Variants in RASAL1 observed in about 807,000 individuals in gnomAD.
RASAL1 encodes the protein rasGAP-activating-like protein 1.
In RASAL1, 72 loss-of-function variants were observed where a neutral mutation model predicts 96.6. The ratio of observed to expected loss-of-function variants is 0.75; its 90% CI spans 0.62 to 0.91. The LOEUF (loss-of-function observed/expected upper bound fraction) is 0.91. Ranked by LOEUF, RASAL1 falls within the 40% of genes least tolerant of loss-of-function variation. RASAL1 has a pLI of 0.00. For missense variants in RASAL1, 1,016 were observed against 1,072.5 expected, an observed-to-expected ratio of 0.95 and a Z score of 0.74; for synonymous variants, 405 against 430.4, an observed-to-expected ratio of 0.94 and a Z score of 0.73.
At chr12:113,100,739 C>T (rs543460403) in intron 19 of RASAL1, 59 bp from the exon 20 acceptor site, 4 of 1,463,430 alleles carry the variant, frequency 2.7e-6, no homozygotes, top group African/African-American at 1.4e-5. Flanking sequence ...CTGCTTCCTA[C>T]CCCAGAAATT....
rs957946838 is a variant in RASAL1, at chr12:113,102,000, C to T, written c.2114G>A (p.Cys705Tyr). 5 of 1,613,342 alleles carry T rather than the reference C, an allele frequency of 3.1e-6. No individual in the cohort carries two copies. The African/African-American group carries it at 6.7e-5, about 22-fold the overall frequency. The change falls in exon 19 of 21, where the codon TGC becomes TAC. Residue 705 changes from cysteine to tyrosine, a missense_variant. Coordinates refer to ENST00000548055, the MANE Select transcript of RASAL1 (RefSeq NM_001301202.2). ...CLQAERSAAGCSRTHSAVTLG... is the reference protein window; with the variant it reads ...CLQAERSAAGYSRTHSAVTLG... ...GGTGACAGCTGAGTGTGTACGGCTG[C>T]AGCCGGCGGCTGAGGGAACACAGCT...
chr12:113,130,560 G>A lies in RASAL1; in HGVS notation c.122+325C>T, dbSNP rs993965942. Among the ~76,000 whole-genome samples the A allele has an allele frequency of 1.3e-5, 2 of 152,070 alleles. No homozygotes were observed. The highest frequency in any genetic ancestry group is 1.9e-4 in the East Asian group (1 of 5,168). On this transcript the variant is annotated intron_variant, in intron 2 of 20. Transcript: ENST00000548055. This position sits in a 1 kb window ranked among gnomAD's most constrained non-coding sequence, Gnocchi z 5.1. ...ACGCGCACAGACATCCCCAGTGCCC[G>A]CAGCACCCGGCAGGCCCGGAACCAA...
Position 113,108,081 on chromosome 12 carries a change from G to C in RASAL1, c.1512+4C>G. The C allele has an allele frequency of 6.2e-7, 1 of 1,608,278 alleles. No homozygotes were observed. Among genetic ancestry groups the C allele is most frequent in the Non-Finnish European group, 8.5e-7 (1 of 1,177,438 alleles). On this transcript the variant is annotated splice_donor_region_variant and intron_variant, in intron 14 of 20. Transcript: ENST00000548055. ...CTAGGATGGGGGAAACCCATGGCTG[G>C]CACCTTGGCAAGCAACAGCAGTGAG...
rs1378137171 is a variant in RASAL1 at position 113,115,312 on chromosome 12, C to T, written c.1004-48G>A. 1.3e-6 allele frequency: 2 copies of T among 1,530,094 alleles called. No individual in the cohort carries two copies. Among genetic ancestry groups the T allele is most frequent in the Admixed American group, 1.7e-5 (1 of 59,852 alleles). The allele number at this position is 1,530,094 out of a possible 1,614,324, so 94.8% of individuals were successfully genotyped here. A position where few individuals can be genotyped will look rare whatever the true frequency, so the allele number is the denominator to read the frequency against. ...TTGCTGGGATTTAGGGAGCTGAACC[C>T]AGCTCACCCCACTCACCCAAGGTGG... On this transcript the variant is annotated intron_variant, in intron 10 of 20. Transcript: ENST00000548055. This position sits in a 1 kb window ranked among gnomAD's most constrained non-coding sequence, Gnocchi z 4.1.
chr12:113,117,204 G>T (rs779700187), intron 7 of RASAL1, 43 bp from the exon 8 acceptor site: 1 of 1,427,036 alleles, frequency 7.0e-7, no homozygotes, highest in Non-Finnish European at 9.7e-7. Flanking sequence ...GCCCTGGCCT[G>T]CCCTGCCCTG....
chr12:113,115,047 G>T lies in RASAL1; in HGVS notation c.1069-135C>A. On this transcript the variant is annotated intron_variant, in intron 11 of 20. Transcript: ENST00000548055. The surrounding 1 kb of genome is among the most constrained non-coding windows in gnomAD (Gnocchi z 4.1). ...GCTGGGGTAGGGGACACATCCAGGTGCAACTCAGGGCAAGGCCGGGCACCA... is the reference window on the plus strand; with the variant it reads ...GCTGGGGTAGGGGACACATCCAGGTTCAACTCAGGGCAAGGCCGGGCACCA... 1 of 1,060,344 alleles carries T rather than the reference G, an allele frequency of 9.4e-7. No individual in the cohort carries two copies. Among genetic ancestry groups the T allele is most frequent in the Non-Finnish European group, 1.4e-6 (1 of 689,752 alleles). The allele number at this position is 1,060,344 out of a possible 1,614,324, so 65.7% of individuals were successfully genotyped here.
Position 113,107,140 on chromosome 12 carries a change from C to T in RASAL1, c.1614G>A (p.Val538=), listed in dbSNP as rs1242694246. 4 of 1,613,772 alleles carry T rather than the reference C, an allele frequency of 2.5e-6. No homozygotes were observed. ...CCACCAGCCGGTCCAGGAAGTCTCT[C>T]ACACGTGAGACACACTGCAGCAGGA... ...HPFLLQCVSR[V]RDFLDRLVDV... The change falls in exon 15 of 21, where the codon GTG becomes GTA. Residue 538 remains valine, a synonymous_variant. Coordinates refer to ENST00000548055, the MANE Select transcript of RASAL1 (RefSeq NM_001301202.2).
chr12:113,099,949 G>C lies in RASAL1; in HGVS notation c.2398C>G (p.Leu800Val). The part of the protein sequence containing the change: ...FQQQERGKAA[L>V]GPLGP ...TTTCCTTAGGGGCCAAGGGGGCCCA[G>C]GGCCGCCTTCCCTCGCTCCTGCTGC... The change falls in exon 21 of 21, where the codon CTG becomes GTG. Residue 800 changes from leucine (L) to valine (V), a missense_variant. Physicochemically the swap from Leu to Val is conservative, Grantham distance 32. Transcript: ENST00000548055. 2.5e-6 allele frequency: 4 copies of C among 1,612,420 alleles called. No individual in the cohort carries two copies. The highest frequency in any genetic ancestry group is 3.4e-6 in the Non-Finnish European group (4 of 1,179,164).
chr12:113,103,901 G>T, intron 18 of RASAL1, 45 bp downstream of exon 18: 2 of 1,541,778 alleles, frequency 1.3e-6, no homozygotes, highest in East Asian at 2.4e-5. Context: ...CCCGCTGATT[G>T]ACGGGTGGGG....
chr12:113,107,407 G>A (rs1371458930), intron 14 of RASAL1, 166 bp from the exon 15 acceptor site: 2 of 808,924 alleles, frequency 2.5e-6, no homozygotes, highest in African/African-American at 1.7e-5. Context: ...CGGATCACTT[G>A]AGGTCAGGAG....
chr12:113,117,507 G>A (rs544536873), intron 7 of RASAL1, among the ~76,000 whole-genome samples: 41 of 152,284 alleles, frequency 2.7e-4, no homozygotes, highest in African/African-American at 9.1e-4. Context: ...CTATCAAAAG[G>A]CATAAGGACA....
rs752830061 is a variant in RASAL1 at position 113,121,539 on chromosome 12, C to T, written c.398G>A (p.Arg133His). ...CTGAAGCACATGGCAGCGAAGGCAG[C>T]GGCCCTGCCCATCCTCCAGCATCTG... ...SVQMLEDGQG[R>H]CLRCHVLQAR... The change falls in exon 5 of 21, where the codon CGC (arginine) becomes CAC (histidine). Residue 133 changes from arginine (R) to histidine (H), a missense_variant. Arg to His is a conservative substitution (Grantham distance 29). Transcript: ENST00000548055. 13 of 1,614,036 alleles carry T rather than the reference C, an allele frequency of 8.1e-6. 1 individual carries two copies. Among genetic ancestry groups the T allele is most frequent in the African/African-American group, 6.7e-5 (5 of 74,920 alleles).
Position 113,115,088 on chromosome 12 carries a change from G to T in RASAL1, c.1068+112C>A. 2 of 1,242,180 alleles carry T rather than the reference G, an allele frequency of 1.6e-6. No individual in the cohort carries two copies. The highest frequency in any genetic ancestry group is 1.2e-6 in the Non-Finnish European group (1 of 848,528). The allele number at this position is 1,242,180 out of a possible 1,614,324, so 76.9% of individuals were successfully genotyped here. ...CCGGGCACCAGCCGCCAGCACTGCA[G>T]CTCGGCTGCTCAGTGCTGTCTGAAG... On this transcript the variant is annotated intron_variant, in intron 11 of 20. Transcript: ENST00000548055. This position sits in a 1 kb window ranked among gnomAD's most constrained non-coding sequence, Gnocchi z 4.1.
At chr12:113,107,661 C>T (rs1950700215) in intron 14 of RASAL1, 1 of 392,684 alleles carries the variant, frequency 2.5e-6, no homozygotes, top group Non-Finnish European at 5.0e-6. Context: ...CAACACCTTC[C>T]TTGGGTGATG....
intron 14 of RASAL1, 199 bp from the exon 15 acceptor site, chr12:113,107,440 T>C (rs759737578): frequency 1.5e-6 from 1 of 658,416 alleles, no homozygotes; most frequent in Non-Finnish European, 2.7e-6. Flanking sequence ...CTGGCCAACA[T>C]GGTGATACCT....
intron 5 of RASAL1, among the ~76,000 whole-genome samples, chr12:113,120,542 C>CA: frequency 1.3e-5 from 2 of 152,232 alleles, no homozygotes; most frequent in Middle Eastern, 6.8e-3. Context: ...CCAATCTGGG[C>CA]AGGGATTTTC....
Position 113,114,797 on chromosome 12 carries a change from C to A in RASAL1, c.1181+3G>T. 1.2e-6 allele frequency: 2 copies of A among 1,612,572 alleles called. No homozygotes were observed. Among genetic ancestry groups the A allele is most frequent in the South Asian group, 1.1e-5 (1 of 91,010 alleles). The stretch of plus-strand genomic sequence containing the variant: ...AAGGTCAGGGTCCTCAGGCTTTGCT[C>A]ACCGGGTGCGGCCCAGGTCCATCTT... On this transcript the variant is annotated splice_donor_region_variant and intron_variant, in intron 12 of 20. Transcript: ENST00000548055.
chr12:113,109,305 G>A (rs1950774800), intron 13 of RASAL1, among the ~76,000 whole-genome samples: 1 of 152,160 alleles, frequency 6.6e-6, no homozygotes, highest in African/African-American at 2.4e-5. Context: ...ACAACTCCAT[G>A]TGGGTAGGTA....
At chr12:113,124,072 G>A (rs535528016) in intron 4 of RASAL1, among the ~76,000 whole-genome samples, 1 of 152,110 alleles carries the variant, frequency 6.6e-6, no homozygotes, top group Non-Finnish European at 1.5e-5. Context: ...TACAAAAAAA[G>A]TTAGGCATGG....
Sources: allele counts gnomAD v4.1 joint callset (sites outside exome capture counted in the v4.1 genomes callset), GRCh38; gene constraint gnomAD v4.1.1; non-coding constraint Gnocchi (gnomAD v3.1); transcripts MANE v1.5; gene names NCBI Gene and HGNC (gene_info 2026-07-23, HGNC 2026-07-21).